The following PDZD9 variants were observed in gnomAD, a reference collection of about 807,000 sequenced individuals.
PDZD9 encodes PDZ domain containing 9, also known as PDZ domain-containing protein 9.
Under a neutral mutation model 16.3 loss-of-function variants are expected in PDZD9, and 13 were observed. The observed-to-expected ratio is 0.80, with a 90% confidence interval of 0.52 to 1.27. PDZD9 has a LOEUF of 1.27. Ranked by LOEUF, PDZD9 falls within the 50% of genes most tolerant of loss-of-function variation. The probability of loss-of-function intolerance (pLI) is 0.00; values close to 1 mark genes in which losing one functional copy is unlikely to be tolerated. For missense variants in PDZD9, 288 were observed against 310.9 expected (o/e 0.93, Z 0.55); for synonymous variants, 120 against 111.0 (o/e 1.08, Z -0.51).
chr16:21,965,572 G>A, the PDZD9 span: 2 of 1,298,576 alleles, frequency 1.5e-6, no homozygotes, highest in Non-Finnish European at 2.1e-6. Flanking sequence ...CCCATTTCAG[G>A]TTTGTTTGTT....
the PDZD9 span, chr16:21,976,079 G>GT: frequency 1.2e-6 from 1 of 821,894 alleles, no homozygotes; most frequent in South Asian, 1.5e-5. Context: ...CCTTCCATCT[G>GT]TGTTTTTGCC....
the PDZD9 span, among the ~76,000 whole-genome samples, chr16:21,964,448 C>G: frequency 6.6e-6 from 1 of 152,182 alleles, no homozygotes; most frequent in African/African-American, 2.4e-5. Context: ...AAAGTCCAAA[C>G]AGCATATACG....
chr16:21,999,382 A>G (rs1007235908), intron 1 of PDZD9: 34 of 185,546 alleles, frequency 1.8e-4, no homozygotes, highest in African/African-American at 8.0e-4. Context: ...GGGGACAACC[A>G]GGTGGAGGAG....
chr16:21,986,061 C>T (rs957245233), intron 3 of PDZD9, among the ~76,000 whole-genome samples: 3 of 151,996 alleles, frequency 2.0e-5, no homozygotes, highest in Non-Finnish European at 2.9e-5. Context: ...AATAAAGCCA[C>T]AACCCTGCAG....
the PDZD9 span, among the ~76,000 whole-genome samples, chr16:21,969,419 A>C: frequency 6.6e-6 from 1 of 152,138 alleles, no homozygotes; most frequent in East Asian, 1.9e-4. Flanking sequence ...CTGTAATCCC[A>C]GCTATCGGGG....
intron 2 of PDZD9, chr16:21,995,348 A>G: frequency 2.3e-6 from 1 of 427,722 alleles, no homozygotes; most frequent in South Asian, 1.7e-5. Flanking sequence ...TTTCTTATAA[A>G]TGACCCAGTT....
chr16:22,000,783 C>G (rs1273447596), intron 1 of PDZD9, among the ~76,000 whole-genome samples: 1 of 151,674 alleles, frequency 6.6e-6, no homozygotes, highest in Non-Finnish European at 1.5e-5. Context: ...GAGATCGCGC[C>G]ACTGCACTCC....
the PDZD9 span, among the ~76,000 whole-genome samples, chr16:21,969,391 G>A: frequency 1.3e-4 from 20 of 152,216 alleles, no homozygotes; most frequent in African/African-American, 4.3e-4. Context: ...AAAATTAGTC[G>A]GGCATGGTGA....
chr16:21,959,919 T>C, the PDZD9 span: 2 of 152,198 alleles, frequency 1.3e-5, no homozygotes. Flanking sequence ...GCTTAAAATA[T>C]TCAGTCAACC....
At chr16:21,984,884 T>A (rs1898838034) in intron 3 of PDZD9, among the ~76,000 whole-genome samples, 1 of 152,178 alleles carries the variant, frequency 6.6e-6, no homozygotes, top group Admixed American at 6.5e-5. Context: ...TCACCATACC[T>A]TAAAAAGTTT....
At chr16:21,990,106 T>G (rs1898986643) in intron 2 of PDZD9, among the ~76,000 whole-genome samples, 1 of 152,182 alleles carries the variant, frequency 6.6e-6, no homozygotes, top group Non-Finnish European at 1.5e-5. Context: ...GTATCCCAAA[T>G]TCAGTGCATT....
the PDZD9 span, among the ~76,000 whole-genome samples, chr16:21,963,589 G>C: frequency 6.6e-6 from 1 of 151,958 alleles, no homozygotes; most frequent in African/African-American, 2.4e-5. Flanking sequence ...TCAGCCTCCT[G>C]AGTAGCTGGG....
downstream of PDZD9, chr16:21,980,815 A>G: frequency 1.6e-6 from 2 of 1,245,314 alleles, no homozygotes; most frequent in Non-Finnish European, 2.2e-6. Context: ...TTTGGTGCTC[A>G]TCTACTTAAT....
the PDZD9 span, chr16:21,962,451 C>T: frequency 6.2e-7 from 1 of 1,614,056 alleles, no homozygotes; most frequent in Non-Finnish European, 8.5e-7. Flanking sequence ...AGTTTATTTT[C>T]CGATTCAGTG....
chr16:22,001,054 G>C lies in PDZD9; in HGVS notation c.-7C>G. 6.6e-7 allele frequency: 1 copy of C among 1,526,586 alleles called. No individual in the cohort carries two copies. Among genetic ancestry groups the C allele is most frequent in the Non-Finnish European group, 8.7e-7 (1 of 1,142,868 alleles). 94.6% of individuals were successfully genotyped at this position (1,526,586 alleles called of 1,614,324 possible). ...TGTGGGAGGCCTTCTGCATGGTCCC[G>C]GGAGGTCAGGCAGCCCGGGAGGGCC... On this transcript the variant is annotated 5_prime_UTR_variant, in exon 1 of 4. Transcript: ENST00000424898.
At chr16:21,993,630 T>G (rs1597981080) in intron 2 of PDZD9, among the ~76,000 whole-genome samples, 1 of 152,146 alleles carries the variant, frequency 6.6e-6, no homozygotes. Context: ...CAAGAACGAT[T>G]GAATCAAAAA....
At chr16:21,994,009 T>C (rs963831199) in intron 2 of PDZD9, among the ~76,000 whole-genome samples, 12 of 151,838 alleles carry the variant, frequency 7.9e-5, no homozygotes, top group African/African-American at 2.9e-4. Context: ...ACCACCTCCA[T>C]TGCCCATGTC....
chr16:21,959,517 C>T, the PDZD9 span: 1 of 155,714 alleles, frequency 6.4e-6, no homozygotes, highest in Non-Finnish European at 1.4e-5. Flanking sequence ...GCAGTTTCTT[C>T]CCCCTCTGAA....
chr16:21,962,797 A>G, the PDZD9 span: 2 of 1,614,202 alleles, frequency 1.2e-6, no homozygotes, highest in South Asian at 2.2e-5. Flanking sequence ...ATGTCACCAC[A>G]GCACCAGAAT....
Sources: allele counts gnomAD v4.1 joint callset (sites outside exome capture counted in the v4.1 genomes callset), GRCh38; gene constraint gnomAD v4.1.1; transcripts MANE v1.5; gene names NCBI Gene and HGNC (gene_info 2026-07-23, HGNC 2026-07-21).